Variants in CADPS2 observed in about 807,000 individuals in gnomAD.
The protein encoded by CADPS2 is calcium dependent secretion activator 2.
Under a neutral mutation model 172.5 loss-of-function variants are expected in CADPS2, and 93 were observed. The ratio of observed to expected loss-of-function variants is 0.54; its 90% CI spans 0.46 to 0.64. CADPS2 has a LOEUF of 0.64. CADPS2 is among the 30% of genes least tolerant of loss of function. CADPS2 has a pLI of 0.00. For missense variants in CADPS2, 1,420 were observed against 1,565.9 expected (o/e 0.91, Z 1.57); for synonymous variants, 546 against 555.2 (o/e 0.98, Z 0.23).
At chr7:122,522,643 T>C (rs971987581) in intron 8 of CADPS2, among the ~76,000 whole-genome samples, 3 of 152,134 alleles carry the variant, frequency 2.0e-5, no homozygotes, top group Admixed American at 6.6e-5. Context: ...ATTGTGCTAT[T>C]AAACAGTAGA....
chr7:122,678,154 A>G (rs559990759), intron 2 of CADPS2, among the ~76,000 whole-genome samples: 4 of 152,362 alleles, frequency 2.6e-5, no homozygotes, highest in Admixed American at 2.6e-4. Flanking sequence ...TGTGCTGACC[A>G]GTGTGGGATG....
At chr7:122,718,467 C>T (rs1481074624) in intron 2 of CADPS2, among the ~76,000 whole-genome samples, 1 of 152,014 alleles carries the variant, frequency 6.6e-6, no homozygotes, top group Non-Finnish European at 1.5e-5. Flanking sequence ...TGCCAGTGAG[C>T]TCAGTCTTAC....
intron 2 of CADPS2, among the ~76,000 whole-genome samples, chr7:122,725,128 C>A (rs1267336164): frequency 1.3e-5 from 2 of 151,824 alleles, no homozygotes; most frequent in African/African-American, 4.8e-5. Flanking sequence ...ATATGTGTTT[C>A]TTTTGGTGAT....
At position 122,518,468 on chromosome 7, in the gene CADPS2, C is replaced by T. The variant is rs181744134; in HGVS notation, c.1476-5153G>A. Among the ~76,000 whole-genome samples, 560 of 152,132 alleles carry T rather than the reference C, an allele frequency of 3.7e-3. 8 individuals are homozygous for T. Among genetic ancestry groups the T allele is most frequent in the African/African-American group, 0.013 (529 of 41,532 alleles). On this transcript the variant is annotated intron_variant, in intron 8 of 29. Transcript: ENST00000449022. ...TTGTTTTTTATGTTATTATCATTTG[C>T]ATTCTGGACAATTGGCATTTTACTG...
chr7:122,490,335 C>T (rs372063244), intron 10 of CADPS2, 54 bp from the exon 11 acceptor site: 78 of 1,489,376 alleles, frequency 5.2e-5, no homozygotes, highest in Middle Eastern at 3.5e-4. Context: ...GGCAGATTTT[C>T]GTCTCATTCA....
chr7:122,499,980 TC>T (rs1430949125), intron 9 of CADPS2, among the ~76,000 whole-genome samples: 2 of 152,116 alleles, frequency 1.3e-5, no homozygotes, highest in Non-Finnish European at 2.9e-5. Flanking sequence ...AGGTCTGCCT[TC>T]CCTGCCTGGC....
At chr7:122,710,371 A>G (rs377392074) in intron 2 of CADPS2, among the ~76,000 whole-genome samples, 3 of 152,206 alleles carry the variant, frequency 2.0e-5, no homozygotes, top group South Asian at 4.1e-4. Flanking sequence ...GAGACATCAC[A>G]CTAGCAGAAA....
At chr7:122,597,522 G>A (rs184733668) in intron 6 of CADPS2, among the ~76,000 whole-genome samples, 90 of 152,108 alleles carry the variant, frequency 5.9e-4, no homozygotes, top group African/African-American at 1.9e-3. Context: ...TGTCAGTAGA[G>A]AATAATTATA....
intron 3 of CADPS2, among the ~76,000 whole-genome samples, chr7:122,639,680 T>C (rs1312880040): frequency 6.6e-6 from 1 of 152,206 alleles, no homozygotes; most frequent in African/African-American, 2.4e-5. Flanking sequence ...CCCAGTTGGT[T>C]AGTTTTAATA....
intron 7 of CADPS2, among the ~76,000 whole-genome samples, chr7:122,570,771 A>C (rs2067141633): frequency 6.6e-6 from 1 of 152,070 alleles, no homozygotes. Context: ...TTCTCAGTAA[A>C]CTATCGCAAG....
In CADPS2 at chr7:122,490,283, T is replaced by A; in HGVS notation, c.1652-2A>T. On this transcript the variant is annotated splice_acceptor_variant, in intron 10 of 29. Coordinates refer to ENST00000449022, the MANE Select transcript of CADPS2 (RefSeq NM_017954.11). LOFTEE classifies it high-confidence loss of function. Reference sequence around the variant, plus strand: ...AGAACATACAACCACCCTGAAGGCCTGTGGAGGAAACAAAAAGACATCATT... The same window carrying A: ...AGAACATACAACCACCCTGAAGGCCAGTGGAGGAAACAAAAAGACATCATT... 6.2e-7 allele frequency: 1 copy of A among 1,611,972 alleles called. No homozygotes were observed. Among genetic ancestry groups the A allele is most frequent in the African/African-American group, 1.3e-5 (1 of 74,964 alleles).
At chr7:122,480,935 ATTTAAT>A (rs1434955728) in intron 11 of CADPS2, 75 bp from the exon 12 acceptor site, 2 of 1,111,980 alleles carry the variant, frequency 1.8e-6, no homozygotes, top group Non-Finnish European at 2.4e-6. Context: ...ACAACTAGAC[ATTTAAT>A]TTTTTATTTT....
At chr7:122,427,531 C>T (rs903474420) in intron 17 of CADPS2, 1 of 152,146 alleles carries the variant, frequency 6.6e-6, no homozygotes, top group Non-Finnish European at 1.5e-5. Context: ...GAATTGAGTT[C>T]ATCTGTATAC....
At chr7:122,535,366 A>C (rs2062153376) in intron 8 of CADPS2, among the ~76,000 whole-genome samples, 2 of 152,062 alleles carry the variant, frequency 1.3e-5, no homozygotes, top group Admixed American at 1.3e-4. Flanking sequence ...TGTAAGAACT[A>C]AATAAGAATA....
chr7:122,664,895 C>T (rs1200818113), intron 2 of CADPS2, among the ~76,000 whole-genome samples: 1 of 152,078 alleles, frequency 6.6e-6, no homozygotes, highest in African/African-American at 2.4e-5. Flanking sequence ...AGCAATCCTC[C>T]CACCTCAGCC....
At chr7:122,473,339 G>A (rs899400907) in intron 13 of CADPS2, among the ~76,000 whole-genome samples, 5 of 152,036 alleles carry the variant, frequency 3.3e-5, no homozygotes, top group Admixed American at 1.3e-4. Context: ...ACGTGGCTGC[G>A]CCAGAGTCTC....
chr7:122,631,384 A>G (rs1455351789), intron 3 of CADPS2, among the ~76,000 whole-genome samples: 2 of 152,162 alleles, frequency 1.3e-5, no homozygotes, highest in Admixed American at 6.6e-5. Flanking sequence ...TGTAAGTGAA[A>G]TTGTTTGAGT....
At chr7:122,440,834 G>C (rs2051252586) in intron 16 of CADPS2, among the ~76,000 whole-genome samples, 1 of 152,066 alleles carries the variant, frequency 6.6e-6, no homozygotes, top group South Asian at 2.1e-4. Context: ...TTATTTAACT[G>C]TTAGCATCTA....
chr7:122,580,214 G>C (rs2068613958), intron 7 of CADPS2, among the ~76,000 whole-genome samples: 1 of 151,988 alleles, frequency 6.6e-6, no homozygotes, highest in African/African-American at 2.4e-5. Flanking sequence ...CAGCATTTTG[G>C]GAGGCTGAAG....
Sources: allele counts gnomAD v4.1 joint callset (sites outside exome capture counted in the v4.1 genomes callset), GRCh38; gene constraint gnomAD v4.1.1; transcripts MANE v1.5; gene names NCBI Gene and HGNC (gene_info 2026-07-23, HGNC 2026-07-21).